Variants in UBE2H observed in about 807,000 individuals in gnomAD.
UBE2H encodes the protein ubiquitin conjugating enzyme E2 H.
Under a neutral mutation model 29.0 loss-of-function variants are expected in UBE2H, and 3 were observed. That is an observed-to-expected ratio of 0.10 (90% CI 0.05 to 0.27). The LOEUF is 0.27. Ranked by LOEUF, UBE2H falls within the 10% of genes least tolerant of loss-of-function variation. UBE2H has a pLI of 1.00. For missense variants in UBE2H, 68 were observed against 228.2 expected, an observed-to-expected ratio of 0.30 and a Z score of 4.52; for synonymous variants, 69 against 82.9, an observed-to-expected ratio of 0.83 and a Z score of 0.91.
At chr7:129,886,466 C>A (rs1037151507) in intron 1 of UBE2H, among the ~76,000 whole-genome samples, 8 of 152,102 alleles carry the variant, frequency 5.3e-5, no homozygotes, top group African/African-American at 1.9e-4. Flanking sequence ...AGAAAGGAAG[C>A]CAAAGGCAAT....
In UBE2H at chr7:129,889,564, C is replaced by T. The variant is rs1044605629; in HGVS notation, c.54-8593G>A. On this transcript the variant is annotated intron_variant, in intron 1 of 6. Transcript: ENST00000355621. The stretch of plus-strand genomic sequence containing the variant: ...ATATCCTATTTACAACCACTTACTC[C>T]TAACATTCCCACCATGCAATATACT... Among the ~76,000 whole-genome samples, 11 of 152,342 alleles carry T rather than the reference C, an allele frequency of 7.2e-5. No individual in the cohort carries two copies. The South Asian group carries it at 1.0e-3, about 14-fold the overall frequency.
At position 129,834,898 on chromosome 7, in the gene UBE2H, G is replaced by C. The variant is rs532972084; in HGVS notation, c.*39C>G. 1.7e-5 allele frequency: 28 copies of C among 1,609,926 alleles called. No homozygotes were observed. In the South Asian group the frequency reaches 2.5e-4, roughly 15 times the overall value. Reference sequence around the variant, plus strand: ...TATTATAGTCTGCTTCTCATGGTTAGGAAATAATAGTCTTTCTGAAAAGCA... The same window carrying C: ...TATTATAGTCTGCTTCTCATGGTTACGAAATAATAGTCTTTCTGAAAAGCA... On this transcript the variant is annotated 3_prime_UTR_variant, in exon 7 of 7. Transcript: ENST00000355621.
At chr7:129,840,674 T>C (rs1189730130) in intron 5 of UBE2H, among the ~76,000 whole-genome samples, 1 of 152,170 alleles carries the variant, frequency 6.6e-6, no homozygotes, top group Non-Finnish European at 1.5e-5. Context: ...CCCTGAGAAA[T>C]GGAAGGACAT....
At chr7:129,920,191 C>G (rs1383291924) in intron 1 of UBE2H, among the ~76,000 whole-genome samples, 1 of 152,032 alleles carries the variant, frequency 6.6e-6, no homozygotes, top group Non-Finnish European at 1.5e-5. Flanking sequence ...TTTTATAAAA[C>G]TATAATTTCT....
intron 3 of UBE2H, among the ~76,000 whole-genome samples, chr7:129,868,933 CTCTTT>C (rs200139983): frequency 0.21 from 20,177 of 96,330 alleles, 1,368 homozygotes; most frequent in Admixed American, 0.3. Context: ...CTCTCTCTCT[CTCTTT>C]TTTTTTTTTT....
intron 1 of UBE2H, among the ~76,000 whole-genome samples, chr7:129,905,479 G>A (rs947900591): frequency 1.3e-5 from 2 of 152,300 alleles, no homozygotes; most frequent in African/African-American, 2.4e-5. Context: ...TGGTTTTCCA[G>A]TTGTACCTTT....
At chr7:129,858,055 G>C (rs756442106) in intron 4 of UBE2H, among the ~76,000 whole-genome samples, 10 of 152,132 alleles carry the variant, frequency 6.6e-5, no homozygotes, top group Non-Finnish European at 1.2e-4. Flanking sequence ...GCAGTTTAAA[G>C]AAACATGACA....
At chr7:129,847,971 A>AT (rs112849998) in intron 5 of UBE2H, among the ~76,000 whole-genome samples, 3 of 152,160 alleles carry the variant, frequency 2.0e-5, no homozygotes, top group African/African-American at 7.2e-5. Context: ...AAACCAATAT[A>AT]TCATTCCAGC....
chr7:129,925,625 C>A (rs1207088125), intron 1 of UBE2H, among the ~76,000 whole-genome samples: 1 of 152,138 alleles, frequency 6.6e-6, no homozygotes, highest in Admixed American at 6.5e-5. Flanking sequence ...TTTCTTGCAA[C>A]GAGACACTTC....
intron 1 of UBE2H, among the ~76,000 whole-genome samples, chr7:129,941,654 G>A (rs2116518152): frequency 6.6e-6 from 1 of 151,880 alleles, no homozygotes; most frequent in East Asian, 1.9e-4. Context: ...GCATAATGAT[G>A]GCTTGCTGCA....
At chr7:129,853,983 C>T (rs889321115) in intron 5 of UBE2H, among the ~76,000 whole-genome samples, 12 of 151,936 alleles carry the variant, frequency 7.9e-5, no homozygotes, top group Non-Finnish European at 2.9e-5. Flanking sequence ...GTTTTAGGTG[C>T]CAGGCTTAGC....
intron 5 of UBE2H, among the ~76,000 whole-genome samples, chr7:129,843,134 G>A (rs1805456273): frequency 6.6e-6 from 1 of 151,200 alleles, no homozygotes; most frequent in Admixed American, 6.6e-5. Flanking sequence ...CAGCAGCTAG[G>A]ACTACAGGCA....
intron 3 of UBE2H, among the ~76,000 whole-genome samples, chr7:129,864,667 TC>T (rs1440053778): frequency 4.7e-5 from 7 of 150,468 alleles, no homozygotes; most frequent in Non-Finnish European, 1.0e-4. Context: ...TTCTCCTGCC[TC>T]AGCCTCTCAA....
chr7:129,911,630 T>C (rs1432764858), intron 1 of UBE2H, among the ~76,000 whole-genome samples: 1 of 151,924 alleles, frequency 6.6e-6, no homozygotes, highest in Non-Finnish European at 1.5e-5. Flanking sequence ...AAAATGCACA[T>C]ATATGTTTTT....
intron 4 of UBE2H, among the ~76,000 whole-genome samples, chr7:129,857,905 T>C (rs1371616075): frequency 6.6e-6 from 1 of 152,230 alleles, no homozygotes; most frequent in African/African-American, 2.4e-5. Context: ...TTAAGTGTGT[T>C]CATGCCCTGA....
Position 129,940,522 on chromosome 7 carries a change from T to G in UBE2H, c.53+11981A>C, listed in dbSNP as rs997478675. On this transcript the variant is annotated intron_variant, in intron 1 of 6. Transcript: ENST00000355621. ...GCCAAGCCTCTCCCTTCACAAGGGC[T>G]ACCTACTCCTCTCTCTGACTTCTCT... 3.3e-5 allele frequency among the ~76,000 whole-genome samples: 5 copies of G among 152,184 alleles called. No homozygotes were observed. The East Asian group carries it at 7.7e-4, about 23-fold the overall frequency.
chr7:129,952,412 C>G, intron 1 of UBE2H, 91 bp downstream of exon 1: 1 of 1,526,814 alleles, frequency 6.5e-7, no homozygotes, highest in Non-Finnish European at 8.9e-7. Context: ...GCCTGGAGTG[C>G]CCCAGGGCCC....
At chr7:129,873,470 T>A (rs1466040721) in intron 3 of UBE2H, among the ~76,000 whole-genome samples, 2 of 149,840 alleles carry the variant, frequency 1.3e-5, no homozygotes, top group Non-Finnish European at 3.0e-5. Context: ...GGTTTCACTC[T>A]GTCACCCAGG....
At chr7:129,901,576 G>C (rs1806717592) in intron 1 of UBE2H, among the ~76,000 whole-genome samples, 1 of 152,088 alleles carries the variant, frequency 6.6e-6, no homozygotes, top group South Asian at 2.1e-4. Context: ...AAAGACTCAA[G>C]AATATCTGAT....
Sources: gnomAD v4.1 joint callset for allele counts (sites outside exome capture counted in the v4.1 genomes callset) on GRCh38, gnomAD v4.1.1 for gene constraint, MANE v1.5 for transcripts, NCBI Gene and HGNC (gene_info 2026-07-23, HGNC 2026-07-21) for gene names.